Variants in SH3KBP1 observed in about 807,000 individuals in gnomAD.
SH3KBP1 encodes SH3 domain containing kinase binding protein 1.
SH3KBP1 carries 8 observed loss-of-function variants against 50.1 expected under a neutral mutation model. The ratio of observed to expected loss-of-function variants is 0.16; its 90% confidence interval spans 0.09 to 0.29. The LOEUF (loss-of-function observed/expected upper bound fraction) is 0.29, where lower values mean the gene tolerates loss of function less well. SH3KBP1 is among the 10% of genes least tolerant of loss of function. The probability of loss-of-function intolerance (pLI) is 1.00; values close to 1 mark genes in which losing one functional copy is unlikely to be tolerated. For missense variants in SH3KBP1, 377 were observed against 535.2 expected, an observed-to-expected ratio of 0.70 and a Z score of 2.92; for synonymous variants, 227 against 218.6, an observed-to-expected ratio of 1.04 and a Z score of -0.34.
chrX:19,600,849 G>A (rs1456893125), intron 9 of SH3KBP1, among the ~76,000 whole-genome samples: 7 of 110,604 alleles, frequency 6.3e-5, no homozygotes, highest in Non-Finnish European at 1.3e-4. Context: ...GCAGGTAAGT[G>A]CTAAAAAAAA....
At chrX:19,589,848 G>A (rs757393811) in intron 11 of SH3KBP1, among the ~76,000 whole-genome samples, 1 of 109,360 alleles carries the variant, frequency 9.1e-6, no homozygotes, top group African/African-American at 3.3e-5. Flanking sequence ...GGCTGGGCGC[G>A]GTGGCTCACA....
intron 16 of SH3KBP1, among the ~76,000 whole-genome samples, chrX:19,540,733 C>T (rs754042121): frequency 2.9e-4 from 32 of 111,571 alleles, no homozygotes; most frequent in African/African-American, 9.4e-4. Context: ...CAGGCTGCCC[C>T]GTGTGGCCAG....
intron 6 of SH3KBP1, among the ~76,000 whole-genome samples, chrX:19,668,975 T>TATATA (rs1569405153): frequency 3.5e-4 from 23 of 66,566 alleles, no homozygotes; most frequent in East Asian, 8.5e-4. Context: ...TATATATATA[T>TATATA]TTTTTGAGAC....
intron 5 of SH3KBP1, among the ~76,000 whole-genome samples, chrX:19,688,616 C>T (rs2063218966): frequency 9.1e-6 from 1 of 109,334 alleles, no homozygotes; most frequent in Non-Finnish European, 1.9e-5. Context: ...TCCTCCCACC[C>T]TCCCACACCC....
chrX:19,775,283 C>T (rs73193556), intron 2 of SH3KBP1, among the ~76,000 whole-genome samples: 2,594 of 111,823 alleles, frequency 0.023, 28 homozygotes, highest in Non-Finnish European at 0.039. Flanking sequence ...CCAGGAAAGC[C>T]GACGACATCA....
At chrX:19,860,280 T>TAA (rs35933756) in intron 1 of SH3KBP1, among the ~76,000 whole-genome samples, 164 of 40,853 alleles carry the variant, frequency 4.0e-3, no homozygotes, top group South Asian at 6.5e-3. Flanking sequence ...ATCCCACCTC[T>TAA]AAAAAAAAAA....
chrX:19,853,596 C>G (rs997567135), intron 1 of SH3KBP1, among the ~76,000 whole-genome samples: 5 of 111,386 alleles, frequency 4.5e-5, no homozygotes, highest in African/African-American at 1.6e-4. Flanking sequence ...AATACAGTGT[C>G]TAAGGATGGG....
chrX:19,784,504 T>C (rs1003148991), intron 2 of SH3KBP1, among the ~76,000 whole-genome samples: 2 of 111,992 alleles, frequency 1.8e-5, no homozygotes, highest in Non-Finnish European at 3.8e-5. Flanking sequence ...TGGGTATCAT[T>C]TGAGGGGCAG....
chrX:19,670,860 A>AAAAAAAAAAAAC, intron 6 of SH3KBP1: 2 of 1,155,805 alleles, frequency 1.7e-6, no homozygotes, highest in South Asian at 2.0e-5. Context: ...AAAAAGAAAT[A>AAAAAAAAAAAAC]CCTCTTCTCC....
intron 9 of SH3KBP1, among the ~76,000 whole-genome samples, chrX:19,595,419 ACT>A (rs1319996180): frequency 8.9e-6 from 1 of 112,160 alleles, no homozygotes; most frequent in Non-Finnish European, 1.9e-5. Context: ...TGGATGTAGG[ACT>A]CTCAACAAAA....
intron 1 of SH3KBP1, among the ~76,000 whole-genome samples, chrX:19,876,960 C>A (rs936166754): frequency 9.0e-6 from 1 of 111,278 alleles, no homozygotes; most frequent in Non-Finnish European, 1.9e-5. Flanking sequence ...CTTTTCCCCC[C>A]ACAATCCACC....
At chrX:19,629,929 C>T (rs2061539591) in intron 8 of SH3KBP1, among the ~76,000 whole-genome samples, 1 of 112,120 alleles carries the variant, frequency 8.9e-6, no homozygotes, top group Middle Eastern at 4.2e-3. Context: ...TTATCTGTAC[C>T]ATGTGGATGG....
chrX:19,887,475 C>G lies in SH3KBP1; in HGVS notation c.-165G>C. The G allele has an allele frequency of 3.0e-6, 1 of 331,892 alleles. No individual in the cohort carries two copies. The highest frequency in any genetic ancestry group is 4.8e-6 in the Non-Finnish European group (1 of 207,764). The allele number at this position is 331,892 out of a possible 1,213,427, so 27.4% of individuals were successfully genotyped here. ...CAGTGGCGGCGGCGGCGGCTCAGCGCCGCCCGCTGCTGCCTCTGCTGCTGC... is the reference window on the plus strand; with the variant it reads ...CAGTGGCGGCGGCGGCGGCTCAGCGGCGCCCGCTGCTGCCTCTGCTGCTGC... On this transcript the variant is annotated 5_prime_UTR_variant, in exon 1 of 18. Coordinates refer to ENST00000397821, the MANE Select transcript of SH3KBP1 (RefSeq NM_031892.3).
At chrX:19,580,571 A>AC (rs1218480727) in intron 12 of SH3KBP1, among the ~76,000 whole-genome samples, 1 of 111,925 alleles carries the variant, frequency 8.9e-6, no homozygotes, top group Non-Finnish European at 1.9e-5. Context: ...CAGCAGCAGC[A>AC]CTGGGAGCTT....
At position 19,555,363 on chromosome X, in the gene SH3KBP1, C is replaced by T. The variant is rs771676732; in HGVS notation, c.1385-5280G>A. Reference sequence around the variant, plus strand: ...TCATTTTCCATGAACTTCAGTCACACTCTATTTGGTTCAATTAGAAAATGT... The same window carrying T: ...TCATTTTCCATGAACTTCAGTCACATTCTATTTGGTTCAATTAGAAAATGT... On this transcript the variant is annotated intron_variant, in intron 13 of 17. Transcript: ENST00000397821. 4.5e-5 allele frequency among the ~76,000 whole-genome samples: 5 copies of T among 111,569 alleles called. No homozygotes were observed. The Admixed American group carries it at 4.8e-4, about 11-fold the overall frequency.
chrX:19,713,597 T>C (rs1252808063), intron 3 of SH3KBP1, among the ~76,000 whole-genome samples: 1 of 111,349 alleles, frequency 9.0e-6, no homozygotes, highest in Non-Finnish European at 1.9e-5. Flanking sequence ...ATAATAGTTG[T>C]ACATTTTTAG....
At chrX:19,809,830 G>A (rs763324326) in intron 2 of SH3KBP1, among the ~76,000 whole-genome samples, 2 of 111,698 alleles carry the variant, frequency 1.8e-5, no homozygotes, top group Non-Finnish European at 3.8e-5. Context: ...ACCTTCAGAC[G>A]GCCATGCTTC....
intron 3 of SH3KBP1, among the ~76,000 whole-genome samples, chrX:19,718,302 T>A (rs2063964720): frequency 9.0e-6 from 1 of 111,352 alleles, no homozygotes; most frequent in African/African-American, 3.3e-5. Flanking sequence ...TCAACTAATT[T>A]ATGAAGGTCT....
intron 2 of SH3KBP1, among the ~76,000 whole-genome samples, chrX:19,789,582 A>ATC (rs2147166371): frequency 9.3e-6 from 1 of 107,876 alleles, no homozygotes; most frequent in South Asian, 4.3e-4. Context: ...CGTCCCTGGT[A>ATC]TCTCTCGGTG....
Sources: gnomAD v4.1 joint callset for allele counts (sites outside exome capture counted in the v4.1 genomes callset) on GRCh38, gnomAD v4.1.1 for gene constraint, MANE v1.5 for transcripts, NCBI Gene and HGNC (gene_info 2026-07-23, HGNC 2026-07-21) for gene names.